TPRG1: variants seen among roughly 807,000 people sequenced by gnomAD.
TPRG1 encodes tumor protein p63 regulated 1, also known as tumor protein p63-regulated gene 1 protein.
TPRG1 carries 29 observed loss-of-function variants against 29.3 expected under a neutral mutation model. The observed-to-expected ratio is 0.99, with a 90% CI of 0.74 to 1.35. TPRG1 has a LOEUF of 1.35. Among genes scored for constraint, TPRG1 ranks in the 40% most tolerant of loss-of-function variants. The pLI, the probability that TPRG1 is intolerant of heterozygous loss-of-function variation, is 0.00. For missense variants in TPRG1, 327 were observed against 335.0 expected (o/e 0.98, Z 0.19); for synonymous variants, 130 against 116.8 (o/e 1.11, Z -0.73).
At chr3:189,067,914 A>G (rs1046840744) in intron 4 of TPRG1, among the ~76,000 whole-genome samples, 1 of 152,234 alleles carries the variant, frequency 6.6e-6, no homozygotes, top group Non-Finnish European at 1.5e-5. Flanking sequence ...TTTGCAATCT[A>G]TCTGGCTGAC....
intron 3 of TPRG1, among the ~76,000 whole-genome samples, chr3:189,016,466 A>G (rs1395392025): frequency 6.6e-6 from 1 of 152,004 alleles, no homozygotes; most frequent in East Asian, 1.9e-4. Flanking sequence ...TTAATGTTGG[A>G]ATCAGTTAAG....
chr3:189,154,745 CAGTGTACATTTCTATGT>C (rs1726434997), intron 5 of TPRG1, among the ~76,000 whole-genome samples: 2 of 152,026 alleles, frequency 1.3e-5, no homozygotes, highest in Admixed American at 6.6e-5. Context: ...GCCCAGCCTG[CAGTGTACATTTCTATGT>C]GGTGTGTGTT....
At chr3:189,300,549 G>A (rs1400383108) in intron 4 of TPRG1, among the ~76,000 whole-genome samples, 1 of 152,186 alleles carries the variant, frequency 6.6e-6, no homozygotes, top group Non-Finnish European at 1.5e-5. Flanking sequence ...TAGTGCCAGG[G>A]TAATGAACTG....
chr3:189,038,867 T>A (rs914951498), intron 4 of TPRG1, among the ~76,000 whole-genome samples: 4 of 149,974 alleles, frequency 2.7e-5, no homozygotes, highest in African/African-American at 9.8e-5. Context: ...CATGAAGACA[T>A]CCCCAACATC....
At chr3:189,110,224 TCAA>T (rs1331676778) in intron 1 of TPRG1, among the ~76,000 whole-genome samples, 1 of 152,210 alleles carries the variant, frequency 6.6e-6, no homozygotes, top group Non-Finnish European at 1.5e-5. Context: ...TGCATTCTCA[TCAA>T]CAATGTATGA....
intron 4 of TPRG1, among the ~76,000 whole-genome samples, chr3:189,041,635 C>T (rs1328247388): frequency 2.6e-5 from 4 of 152,170 alleles, no homozygotes; most frequent in Admixed American, 2.6e-4. Flanking sequence ...TAGTCTTAGC[C>T]CTTTACTCAG....
intron 1 of TPRG1, among the ~76,000 whole-genome samples, chr3:189,201,530 G>T (rs568900345): frequency 3.2e-4 from 49 of 152,200 alleles, no homozygotes; most frequent in Non-Finnish European, 5.0e-4. Context: ...AATGGAGAAT[G>T]ACATGGCTCT....
chr3:189,092,438 A>G (rs1354258445), intron 4 of TPRG1, among the ~76,000 whole-genome samples: 1 of 139,028 alleles, frequency 7.2e-6, no homozygotes, highest in Admixed American at 6.9e-5. Flanking sequence ...TTTATCTGAA[A>G]TTTCTTTTTT....
intron 1 of TPRG1, among the ~76,000 whole-genome samples, chr3:189,113,921 TAATAA>T (rs4011843): frequency 0.43 from 64,474 of 150,252 alleles, 18,723 homozygotes; most frequent in African/African-American, 0.82. Flanking sequence ...AGTATAATAA[TAATAA>T]AATAAAATAA....
chr3:189,122,848 A>G (rs1349330859), intron 1 of TPRG1, among the ~76,000 whole-genome samples: 1 of 152,218 alleles, frequency 6.6e-6, no homozygotes, highest in Non-Finnish European at 1.5e-5. Context: ...TTTTTAACAA[A>G]TGAAAAAATT....
chr3:189,207,447 C>T lies in TPRG1; in HGVS notation c.63C>T (p.Asp21=). 6.2e-7 allele frequency: 1 copy of T among 1,613,938 alleles called. No homozygotes were observed. Among genetic ancestry groups the T allele is most frequent in the East Asian group, 2.2e-5 (1 of 44,852 alleles). The change falls in exon 2 of 6, where the codon GAC becomes GAT. Residue 21 remains aspartate, a synonymous_variant. Coordinates refer to ENST00000345063, the MANE Select transcript of TPRG1 (RefSeq NM_198485.4). ...TGTCTCTGAAGCAAGAGGGAGATGA[C>T]CAACCCTCTGAGACTGACCACCTAT... ...QAVSLKQEGD[D]QPSETDHLSM...
At chr3:189,056,746 A>G (rs986417323) in intron 4 of TPRG1, among the ~76,000 whole-genome samples, 2 of 152,176 alleles carry the variant, frequency 1.3e-5, no homozygotes, top group African/African-American at 4.8e-5. Flanking sequence ...CTCAGTGCAG[A>G]CAGATGAACA....
chr3:189,067,533 CTT>C (rs1716531734), intron 4 of TPRG1, among the ~76,000 whole-genome samples: 1 of 152,100 alleles, frequency 6.6e-6, no homozygotes, highest in Admixed American at 6.6e-5. Flanking sequence ...GCAGTGAACT[CTT>C]TCTCAACAAA....
intron 4 of TPRG1, among the ~76,000 whole-genome samples, chr3:189,242,924 T>C (rs1740849405): frequency 6.6e-6 from 1 of 152,170 alleles, no homozygotes; most frequent in African/African-American, 2.4e-5. Context: ...ATTTGTTGTT[T>C]ATTTAAGTTG....
At chr3:189,012,738 C>T (rs528369950) in intron 3 of TPRG1, among the ~76,000 whole-genome samples, 1 of 152,112 alleles carries the variant, frequency 6.6e-6, no homozygotes, top group South Asian at 2.1e-4. Flanking sequence ...TGTATATGTC[C>T]AGCAATTTAT....
intron 1 of TPRG1, among the ~76,000 whole-genome samples, chr3:189,107,710 T>G (rs1719990350): frequency 6.6e-6 from 1 of 152,154 alleles, no homozygotes; most frequent in African/African-American, 2.4e-5. Context: ...TGAAAAAATG[T>G]GCATATCCCT....
chr3:189,228,142 AACG>A (rs1226576224), intron 3 of TPRG1, among the ~76,000 whole-genome samples: 1 of 152,164 alleles, frequency 6.6e-6, no homozygotes, highest in Non-Finnish European at 1.5e-5. Context: ...CAATAGCAAC[AACG>A]ACGACAACAA....
intron 4 of TPRG1, among the ~76,000 whole-genome samples, chr3:189,276,538 T>C (rs1365661212): frequency 6.6e-6 from 1 of 152,110 alleles, no homozygotes; most frequent in Non-Finnish European, 1.5e-5. Flanking sequence ...GTTTTCCTCC[T>C]TTTTTTCTCC....
intron 3 of TPRG1, among the ~76,000 whole-genome samples, chr3:189,010,873 C>G (rs907218162): frequency 6.6e-6 from 1 of 152,222 alleles, no homozygotes; most frequent in East Asian, 1.9e-4. Flanking sequence ...AGGTTTTCTT[C>G]TAGGGTTTTT....
Sources: allele counts gnomAD v4.1 joint callset (sites outside exome capture counted in the v4.1 genomes callset), GRCh38; gene constraint gnomAD v4.1.1; transcripts MANE v1.5; gene names NCBI Gene and HGNC (gene_info 2026-07-23, HGNC 2026-07-21).